CNBD1: variants seen among roughly 807,000 people sequenced by gnomAD.
CNBD1 encodes the protein cyclic nucleotide-binding domain-containing protein 1.
In CNBD1, 71 loss-of-function variants were observed where a neutral mutation model predicts 54.4. The observed-to-expected ratio is 1.30, with a 90% CI of 1.08 to 1.59. The LOEUF (loss-of-function observed/expected upper bound fraction) is 1.59. CNBD1 is among the 40% of genes most tolerant of loss of function. The pLI is 0.00. For missense variants in CNBD1, 659 were observed against 518.0 expected (o/e 1.27, Z -2.64); for synonymous variants, 182 against 170.7 (o/e 1.07, Z -0.51).
intron 6 of CNBD1, among the ~76,000 whole-genome samples, chr8:87,244,668 A>T (rs747214246): frequency 1.8e-4 from 27 of 152,122 alleles, no homozygotes; most frequent in Admixed American, 3.9e-4. Context: ...ATGTCCCCTG[A>T]CTCATATCCC....
At chr8:87,232,940 T>TTATTG (rs1183767711) in intron 5 of CNBD1, among the ~76,000 whole-genome samples, 3 of 152,154 alleles carry the variant, frequency 2.0e-5, no homozygotes, top group African/African-American at 7.2e-5. Context: ...TGTTAACTAA[T>TTATTG]TTAATTATTA....
Position 87,275,199 on chromosome 8 carries a change from T to A in CNBD1, c.772-9479T>A, listed in dbSNP as rs182836987. On this transcript the variant is annotated intron_variant, in intron 6 of 10. Transcript: ENST00000518476. The stretch of plus-strand genomic sequence containing the variant: ...TAGCCTTGTAGTATAGTTTGAAGTC[T>A]GGTAGTGTGATGCCTCCAGCTTTGT... Among the ~76,000 whole-genome samples, 425 of 141,756 alleles carry A rather than the reference T, an allele frequency of 3.0e-3. 6 individuals carry two copies. Among genetic ancestry groups the A allele is most frequent in the African/African-American group, 0.01 (373 of 36,438 alleles). 93.0% of individuals were successfully genotyped at this position (141,756 alleles called of 152,430 possible).
chr8:87,272,129 G>A (rs972372024), intron 6 of CNBD1, among the ~76,000 whole-genome samples: 2 of 151,644 alleles, frequency 1.3e-5, no homozygotes, highest in Admixed American at 1.3e-4. Context: ...TTGATTAATG[G>A]GTACAAATAC....
rs1363879532 is a variant in CNBD1 at position 87,322,655 on chromosome 8, G to T, written c.1043-29030G>T. Among the ~76,000 whole-genome samples, 2 of 77,812 alleles carry T rather than the reference G, an allele frequency of 2.6e-5. 1 individual carries two copies. The highest frequency in any genetic ancestry group is 5.5e-5 in the Non-Finnish European group (2 of 36,466). 51.0% of individuals were successfully genotyped at this position (77,812 alleles called of 152,430 possible). ...CGCCCACTTTTTGATGGGGTTGTTT[G>T]TTTTTTTCTTGTAAATTTGTTTGAG... On this transcript the variant is annotated intron_variant, in intron 8 of 10. Transcript: ENST00000518476.
chr8:87,094,539 T>G (rs569360808), intron 4 of CNBD1, among the ~76,000 whole-genome samples: 1 of 152,058 alleles, frequency 6.6e-6, no homozygotes, highest in African/African-American at 2.4e-5. Context: ...TTGGCAGATT[T>G]ATTCATTTCA....
intron 4 of CNBD1, among the ~76,000 whole-genome samples, chr8:87,039,536 C>T (rs1810020525): frequency 6.6e-6 from 1 of 152,004 alleles, no homozygotes; most frequent in Admixed American, 6.6e-5. Context: ...TTTTATTTCT[C>T]ACTTCCAGTT....
intron 4 of CNBD1, among the ~76,000 whole-genome samples, chr8:87,133,962 A>G (rs1812173982): frequency 6.6e-6 from 1 of 152,182 alleles, no homozygotes; most frequent in South Asian, 2.1e-4. Context: ...TTGCTGTCTA[A>G]TAAAACACTT....
At chr8:87,139,808 A>G (rs894165957) in intron 4 of CNBD1, among the ~76,000 whole-genome samples, 5 of 152,200 alleles carry the variant, frequency 3.3e-5, no homozygotes, top group African/African-American at 1.2e-4. Flanking sequence ...CTCTGTAGAC[A>G]CTGAATGTCA....
intron 8 of CNBD1, among the ~76,000 whole-genome samples, chr8:87,312,100 G>C (rs1021987777): frequency 6.6e-6 from 1 of 152,002 alleles, no homozygotes; most frequent in Non-Finnish European, 1.5e-5. Flanking sequence ...TCTAAAATGA[G>C]AGTTGAAATT....
intron 5 of CNBD1, among the ~76,000 whole-genome samples, chr8:87,226,103 T>A (rs1814481656): frequency 6.6e-6 from 1 of 152,202 alleles, no homozygotes; most frequent in Admixed American, 6.5e-5. Flanking sequence ...TTACCATTTT[T>A]TATTGCATCT....
At chr8:87,379,923 A>T (rs1229172554) in intron 10 of CNBD1, among the ~76,000 whole-genome samples, 1 of 151,608 alleles carries the variant, frequency 6.6e-6, no homozygotes, top group Non-Finnish European at 1.5e-5. Flanking sequence ...CTTAAATATG[A>T]CCAAATGATT....
At chr8:86,928,109 G>C (rs1384985851) in intron 3 of CNBD1, among the ~76,000 whole-genome samples, 1 of 152,070 alleles carries the variant, frequency 6.6e-6, no homozygotes, top group Non-Finnish European at 1.5e-5. Flanking sequence ...AGATCTCCTG[G>C]TTGGAACAGC....
At chr8:87,360,852 A>G (rs1471184570) in intron 10 of CNBD1, among the ~76,000 whole-genome samples, 1 of 151,958 alleles carries the variant, frequency 6.6e-6, no homozygotes, top group African/African-American at 2.4e-5. Flanking sequence ...AAGAATGCCT[A>G]AAGACTATCT....
intron 4 of CNBD1, among the ~76,000 whole-genome samples, chr8:87,005,902 G>A (rs1809088710): frequency 6.6e-6 from 1 of 152,098 alleles, no homozygotes; most frequent in Admixed American, 6.5e-5. Flanking sequence ...ATCACTCCCA[G>A]GTGTTTGAAA....
intron 10 of CNBD1, among the ~76,000 whole-genome samples, chr8:87,369,158 A>T (rs1810706710): frequency 6.6e-6 from 1 of 151,986 alleles, no homozygotes; most frequent in Non-Finnish European, 1.5e-5. Flanking sequence ...TGGCTAAATG[A>T]TATTTAATAA....
intron 10 of CNBD1, among the ~76,000 whole-genome samples, chr8:87,369,033 ATACTT>A (rs556982979): frequency 5.1e-4 from 77 of 152,092 alleles, no homozygotes; most frequent in Non-Finnish European, 9.3e-4. Flanking sequence ...TACAACAACT[ATACTT>A]TACTAACAGT....
At chr8:87,371,519 G>A (rs1039033295) in intron 10 of CNBD1, among the ~76,000 whole-genome samples, 16 of 151,946 alleles carry the variant, frequency 1.1e-4, no homozygotes, top group South Asian at 2.1e-4. Context: ...CCAAAGCCAG[G>A]CAGAGACACA....
chr8:87,036,234 A>T (rs1438460325), intron 4 of CNBD1, among the ~76,000 whole-genome samples: 1 of 152,104 alleles, frequency 6.6e-6, no homozygotes, highest in Admixed American at 6.5e-5. Flanking sequence ...CTCACCATTT[A>T]TGTTTCTTCC....
chr8:87,422,124 T>A (rs1030972605), intron 2 of CNBD1, among the ~76,000 whole-genome samples: 3 of 146,900 alleles, frequency 2.0e-5, no homozygotes, highest in Admixed American at 6.7e-5. Flanking sequence ...ATGGGGCTGT[T>A]TGTTTTTTTC....
Sources: gnomAD v4.1 joint callset for allele counts (sites outside exome capture counted in the v4.1 genomes callset) on GRCh38, gnomAD v4.1.1 for gene constraint, MANE v1.5 for transcripts, NCBI Gene and HGNC (gene_info 2026-07-23, HGNC 2026-07-21) for gene names.